The following OBI1 variants were observed in gnomAD, a reference collection of about 807,000 sequenced individuals.
OBI1 encodes ring finger protein 219.
OBI1 carries 59 observed loss-of-function variants against 62.4 expected under a neutral mutation model. That is an observed-to-expected ratio of 0.95 (90% CI 0.77 to 1.17). The LOEUF (loss-of-function observed/expected upper bound fraction) is 1.17. Among genes scored for constraint, OBI1 ranks in the 50% most tolerant of loss-of-function variants. The pLI, the probability that OBI1 is intolerant of heterozygous loss-of-function variation, is 0.00. For synonymous variants in OBI1, 302 were observed against 292.8 expected (o/e 1.03, Z -0.32); for missense variants, 875 against 830.9 (o/e 1.05, Z -0.65).
At position 78,616,629 on chromosome 13, in the gene OBI1, AG is replaced by A; in HGVS notation, c.1131del (p.Tyr378ThrfsTer70). The A allele has an allele frequency of 6.2e-7, 1 of 1,614,168 alleles. No individual in the cohort carries two copies. Among genetic ancestry groups the A allele is most frequent in the East Asian group, 2.2e-5 (1 of 44,882 alleles). On this transcript the variant is annotated frameshift_variant, in exon 6 of 6. Coordinates refer to ENST00000282003, the MANE Select transcript of OBI1 (RefSeq NM_024546.4). LOFTEE classifies it high-confidence loss of function. ...AGATCATAAAGTTCTTCATCTTTGT[AG>A]GGTACACAGTCACTTGGTTTATTCC... The part of the protein sequence containing the change: ...EWGNKPSDCV[P>X]YKDEELYDLP...
chr13:78,636,880 C>G (rs1055057724), intron 4 of OBI1, among the ~76,000 whole-genome samples: 1 of 152,116 alleles, frequency 6.6e-6, no homozygotes, highest in Non-Finnish European at 1.5e-5. Context: ...TTCCCTGCCC[C>G]CCACCACTAC....
intron 4 of OBI1, among the ~76,000 whole-genome samples, chr13:78,638,041 T>C (rs769176298): frequency 7.9e-5 from 12 of 152,204 alleles, no homozygotes; most frequent in Non-Finnish European, 1.2e-4. Flanking sequence ...GAATATGTGA[T>C]TGTAGAACTG....
intron 4 of OBI1, 34 bp downstream of exon 4, chr13:78,638,789 C>A: frequency 6.4e-7 from 1 of 1,562,448 alleles, no homozygotes; most frequent in South Asian, 1.2e-5. Flanking sequence ...ATTTTAAAAA[C>A]AACCATAATA....
chr13:78,628,857 G>C (rs1273887554), intron 5 of OBI1, among the ~76,000 whole-genome samples: 1 of 152,034 alleles, frequency 6.6e-6, no homozygotes, highest in Non-Finnish European at 1.5e-5. Context: ...CTCTGGTAAA[G>C]GCACAAAAAA....
chr13:78,647,747 A>G (rs1293940364), intron 1 of OBI1, among the ~76,000 whole-genome samples: 1 of 152,106 alleles, frequency 6.6e-6, no homozygotes, highest in Non-Finnish European at 1.5e-5. Flanking sequence ...GTCCTACCTG[A>G]TGAGAAATAC....
rs1418300169 is a variant in OBI1, at chr13:78,654,696, TAG to T, written c.72+4351_72+4352del. On this transcript the variant is annotated intron_variant, in intron 1 of 5. Coordinates refer to ENST00000282003, the MANE Select transcript of OBI1 (RefSeq NM_024546.4). Reference sequence around the variant, plus strand: ...TCCTTATGGGAAACAGTCAGTCTACTAGAGGATACTCCAAGACACAGGAACTC... The same window carrying T: ...TCCTTATGGGAAACAGTCAGTCTACTAGGATACTCCAAGACACAGGAACTC... Among the ~76,000 whole-genome samples the T allele has an allele frequency of 3.3e-5, 5 of 152,348 alleles. No homozygotes were observed. The East Asian group carries it at 9.6e-4, about 29-fold the overall frequency.
intron 1 of OBI1, among the ~76,000 whole-genome samples, chr13:78,656,729 T>TGGGGGGGG (rs397851744): frequency 4.9e-5 from 1 of 20,578 alleles, no homozygotes. Context: ...CCATGGTACC[T>TGGGGGGGG]GGGGGGGGGG....
intron 2 of OBI1, among the ~76,000 whole-genome samples, chr13:78,643,039 T>C (rs1292438826): frequency 6.6e-6 from 1 of 152,252 alleles, no homozygotes; most frequent in East Asian, 1.9e-4. Context: ...GAATTCTTCC[T>C]GAGAGCTCTT....
Position 78,616,885 on chromosome 13 carries a change from C to T in OBI1, c.876G>A (p.Lys292=), listed in dbSNP as rs762533652. The stretch of plus-strand genomic sequence containing the variant: ...GCTTTCTGGCACTATCGCCTTGATT[C>T]TTTGACACCACATCCTCCTCACTGC... ...SKGSEEDVVS[K]NQGDSARKQP... Residue 292 remains lysine (K), a synonymous_variant, in exon 6 of 6, where the codon AAG becomes AAA. Transcript: ENST00000282003. 1 of 1,614,200 alleles carries T rather than the reference C, an allele frequency of 6.2e-7. No individual in the cohort carries two copies. The highest frequency in any genetic ancestry group is 8.5e-7 in the Non-Finnish European group (1 of 1,180,034).
chr13:78,638,813 C>T lies in OBI1; in HGVS notation c.549+10G>A, dbSNP rs745333109. 4 of 1,594,120 alleles carry T rather than the reference C, an allele frequency of 2.5e-6. No individual in the cohort carries two copies. Among genetic ancestry groups the T allele is most frequent in the Non-Finnish European group, 3.4e-6 (4 of 1,172,872 alleles). On this transcript the variant is annotated intron_variant, in intron 4 of 5. Transcript: ENST00000282003. ...ACAACCATAATAGATTTTTAAAAACCACAACTTACCTCCTTTAGCTTATCC... is the reference window on the plus strand; with the variant it reads ...ACAACCATAATAGATTTTTAAAAACTACAACTTACCTCCTTTAGCTTATCC...
chr13:78,634,797 C>T (rs574638906), intron 5 of OBI1, among the ~76,000 whole-genome samples: 1 of 152,214 alleles, frequency 6.6e-6, no homozygotes, highest in South Asian at 2.1e-4. Context: ...AGGGCATTAC[C>T]TTAATCTCAC....
rs1876109472 is a variant in OBI1, at chr13:78,638,835, ATC to A, written c.535_536del (p.Asp179Ter). 14 of 1,612,788 alleles carry A rather than the reference ATC, an allele frequency of 8.7e-6. No homozygotes were observed. Among genetic ancestry groups the A allele is most frequent in the Non-Finnish European group, 1.2e-5 (14 of 1,179,678 alleles). ...EIYEKVKDDV[D>X]KLKEANKKLK... ...AACCACAACTTACCTCCTTTAGCTT[ATC>A]CACATCATCTTTCACTTTTTCATAG... On this transcript the variant is annotated frameshift_variant, in exon 4 of 6. Coordinates refer to ENST00000282003, the MANE Select transcript of OBI1 (RefSeq NM_024546.4). LOFTEE classifies it high-confidence loss of function.
chr13:78,620,674 T>C (rs1206470520), intron 5 of OBI1: 2 of 456,436 alleles, frequency 4.4e-6, no homozygotes, highest in Admixed American at 4.7e-5. Flanking sequence ...TACAAGATCA[T>C]TTCTGTCCCT....
In OBI1 at chr13:78,635,098, C is replaced by G; in HGVS notation, c.638+12G>C. The G allele has an allele frequency of 6.4e-7, 1 of 1,551,812 alleles. No individual in the cohort carries two copies. Among genetic ancestry groups the G allele is most frequent in the Non-Finnish European group, 8.8e-7 (1 of 1,131,602 alleles). ...ATAATCTGAAGCATTGCTCTGGGAG[C>G]AAAATACATACTTTTGAGGTGATCT... On this transcript the variant is annotated intron_variant, in intron 5 of 5. Coordinates refer to ENST00000282003, the MANE Select transcript of OBI1 (RefSeq NM_024546.4).
chr13:78,650,698 T>C (rs1364973360), intron 1 of OBI1, among the ~76,000 whole-genome samples: 1 of 148,770 alleles, frequency 6.7e-6, no homozygotes, highest in Non-Finnish European at 1.5e-5. Context: ...AGGTTTAAGA[T>C]AATATAATGG....
intron 3 of OBI1, 143 bp from the exon 4 acceptor site, chr13:78,639,214 C>G (rs915634176): frequency 1.2e-6 from 1 of 810,596 alleles, no homozygotes; most frequent in Non-Finnish European, 1.8e-6. Context: ...AAGAGTTTTG[C>G]AGGGAGAAAG....
intron 1 of OBI1, 118 bp downstream of exon 1, chr13:78,658,931 G>C (rs1238935355): frequency 3.7e-6 from 3 of 820,230 alleles, no homozygotes; most frequent in African/African-American, 1.7e-5. Context: ...GCGGGTTAGC[G>C]TTTTCTCCCA....
Position 78,635,122 on chromosome 13 carries a change from C to G in OBI1, c.626G>C (p.Arg209Thr), listed in dbSNP as rs1476090809. 4 of 1,603,042 alleles carry G rather than the reference C, an allele frequency of 2.5e-6. No homozygotes were observed. The highest frequency in any genetic ancestry group is 3.4e-6 in the Non-Finnish European group (4 of 1,172,174). Residue 209 changes from arginine to threonine, a missense_variant, in exon 5 of 6, where the codon AGA becomes ACA. Transcript: ENST00000282003. Reference protein sequence around the residue: ...NLRLKAEVDNRSPQKFGRFAV... With the variant: ...NLRLKAEVDNTSPQKFGRFAV... ...GCAAAATACATACTTTTGAGGTGAT[C>G]TGTTATCAACTTCAGCCTTCAGTCG... is the stretch of plus-strand genomic sequence containing the variant.
intron 5 of OBI1, among the ~76,000 whole-genome samples, chr13:78,630,949 C>A (rs1229359650): frequency 6.6e-6 from 1 of 152,038 alleles, no homozygotes. Context: ...TCAAATTTAC[C>A]CAGCTGCCTC....
Sources: gnomAD v4.1 joint callset for allele counts (sites outside exome capture counted in the v4.1 genomes callset) on GRCh38, gnomAD v4.1.1 for gene constraint, MANE v1.5 for transcripts, NCBI Gene and HGNC (gene_info 2026-07-23, HGNC 2026-07-21) for gene names.